The following CYTH1 variants were observed in gnomAD, a reference collection of about 807,000 sequenced individuals.
The protein encoded by CYTH1 is cytohesin-1.
A neutral mutation model predicts 61.8 loss-of-function variants in CYTH1; 18 were observed. The ratio of observed to expected loss-of-function variants is 0.29; its 90% confidence interval spans 0.20 to 0.43. The LOEUF (loss-of-function observed/expected upper bound fraction) is 0.43. Among genes scored for constraint, CYTH1 ranks in the 20% least tolerant of loss-of-function variants. The pLI, the probability that CYTH1 is intolerant of heterozygous loss-of-function variation, is 1.00. For synonymous variants in CYTH1, 174 were observed against 184.3 expected (o/e 0.94, Z 0.45); for missense variants, 336 against 510.5 (o/e 0.66, Z 3.29).
chr17:78,778,529 T>G (rs1460657960), intron 1 of CYTH1, among the ~76,000 whole-genome samples: 1 of 149,176 alleles, frequency 6.7e-6, no homozygotes, highest in Non-Finnish European at 1.5e-5. Context: ...TCCCAGCTAC[T>G]TGGGAGGCTG....
In CYTH1 at chr17:78,702,579, C is replaced by T; in HGVS notation, c.196G>A (p.Val66Ile). 1 of 1,614,148 alleles carries T rather than the reference C, an allele frequency of 6.2e-7. No individual in the cohort carries two copies. Among genetic ancestry groups the T allele is most frequent in the Non-Finnish European group, 8.5e-7 (1 of 1,180,024 alleles). The change falls in exon 4 of 14, where the codon GTA (valine) becomes ATA (isoleucine). Residue 66 changes from valine to isoleucine, a missense_variant. By Grantham distance (29) the Val-to-Ile change is conservative (BLOSUM62 3). Transcript: ENST00000446868. Reference protein sequence around the residue: ...ERKNMQRNKQVAMGRKKFNMD... With the variant: ...ERKNMQRNKQIAMGRKKFNMD... ...TTAAATTTTTTCCTGCCCATGGCTA[C>T]CTGTTTGTTCCTCTGCATGTTTTTC...
At chr17:78,780,772 C>T (rs998843890) in intron 1 of CYTH1, among the ~76,000 whole-genome samples, 3 of 152,010 alleles carry the variant, frequency 2.0e-5, no homozygotes, top group African/African-American at 4.8e-5. Flanking sequence ...TTTGGGAGGC[C>T]GAGGCGGGTG....
chr17:78,683,575 G>C (rs996709418), intron 11 of CYTH1, among the ~76,000 whole-genome samples: 3 of 152,192 alleles, frequency 2.0e-5, no homozygotes, highest in Non-Finnish European at 4.4e-5. Flanking sequence ...AGGAGAAGCT[G>C]GGGGTGGGAG....
chr17:78,765,511 A>G (rs886171681), intron 1 of CYTH1, among the ~76,000 whole-genome samples: 8 of 152,240 alleles, frequency 5.3e-5, no homozygotes, highest in Non-Finnish European at 1.2e-4. Context: ...AATCAGTAAA[A>G]GCCAGTGTGG....
intron 11 of CYTH1, among the ~76,000 whole-genome samples, chr17:78,686,742 A>G (rs1175829886): frequency 6.6e-6 from 1 of 152,138 alleles, no homozygotes; most frequent in East Asian, 1.9e-4. Context: ...ATGGTTCGGG[A>G]TGATTCGAGC....
In CYTH1 at chr17:78,700,657, G is replaced by A. The variant is rs888565005; in HGVS notation, c.438-214C>T. Among the ~76,000 whole-genome samples, 10 of 152,000 alleles carry A rather than the reference G, an allele frequency of 6.6e-5. No homozygotes were observed. Among genetic ancestry groups the A allele is most frequent in the African/African-American group, 2.2e-4 (9 of 41,376 alleles). Reference sequence around the variant, plus strand: ...TTCTGCCTCAGCCTCCCGAGTAGCCGGGACTACAGGCACACGCCACCATGC... The same window carrying A: ...TTCTGCCTCAGCCTCCCGAGTAGCCAGGACTACAGGCACACGCCACCATGC... On this transcript the variant is annotated intron_variant, in intron 6 of 13. Transcript: ENST00000446868. The surrounding 1 kb of genome is among the most constrained non-coding windows in gnomAD (Gnocchi z 5.1).
Position 78,680,970 on chromosome 17 carries a change from C to G in CYTH1, c.963+1G>C. The stretch of plus-strand genomic sequence containing the variant: ...CAAAATATCTCAGCAAAAATACTCA[C>G]TGGTTTTTTGGAGTCCTCCACTTCC... On this transcript the variant is annotated splice_donor_variant, in intron 12 of 13. Coordinates refer to ENST00000446868, the MANE Select transcript of CYTH1 (RefSeq NM_004762.6). LOFTEE classifies it high-confidence loss of function. 6.2e-7 allele frequency: 1 copy of G among 1,614,018 alleles called. No individual in the cohort carries two copies. Among genetic ancestry groups the G allele is most frequent in the Non-Finnish European group, 8.5e-7 (1 of 1,179,924 alleles).
At chr17:78,760,354 T>TG in intron 1 of CYTH1, among the ~76,000 whole-genome samples, 1 of 62,490 alleles carries the variant, frequency 1.6e-5, no homozygotes, top group African/African-American at 5.4e-5. Context: ...AAATAGCAGG[T>TG]TTATATATAT....
At chr17:78,727,028 C>CCT (rs1769604438) in intron 1 of CYTH1, among the ~76,000 whole-genome samples, 1 of 152,188 alleles carries the variant, frequency 6.6e-6, no homozygotes, top group African/African-American at 2.4e-5. Flanking sequence ...AGAAAGTGAC[C>CCT]CTCTGACAAG....
chr17:78,776,733 A>AT (rs1216656977), intron 1 of CYTH1, among the ~76,000 whole-genome samples: 1 of 150,814 alleles, frequency 6.6e-6, no homozygotes, highest in Non-Finnish European at 1.5e-5. Flanking sequence ...AATTTTTACG[A>AT]TTTTTTTCTT....
At chr17:78,749,609 G>A (rs1395886338) in intron 1 of CYTH1, among the ~76,000 whole-genome samples, 4 of 151,618 alleles carry the variant, frequency 2.6e-5, no homozygotes, top group South Asian at 2.1e-4. Flanking sequence ...CAGCCTGGGT[G>A]ACAAATTGAG....
Position 78,723,465 on chromosome 17 carries a change from G to A in CYTH1, c.23-13733C>T, listed in dbSNP as rs771092437. The A allele has an allele frequency of 1.2e-4, 18 of 152,510 alleles. 1 individual carries two copies. Among genetic ancestry groups the A allele is most frequent in the South Asian group, 6.2e-4 (3 of 4,840 alleles). 9.4% of individuals were successfully genotyped at this position (152,510 alleles called of 1,614,324 possible). On this transcript the variant is annotated intron_variant, in intron 1 of 13. Coordinates refer to ENST00000446868, the MANE Select transcript of CYTH1 (RefSeq NM_004762.6). ...AGAGAAAACAAAAGCTGAGAGCACC[G>A]GCCCTGCAGGTGGAAACTCGCTGGG... is the stretch of plus-strand genomic sequence containing the variant.
chr17:78,686,478 A>G (rs2092817679), intron 11 of CYTH1, among the ~76,000 whole-genome samples: 1 of 151,732 alleles, frequency 6.6e-6, no homozygotes. Context: ...TGTCCCCCTA[A>G]CCACTTACCC....
intron 1 of CYTH1, chr17:78,728,072 C>T (rs2144579124): frequency 6.1e-6 from 1 of 164,342 alleles, no homozygotes; most frequent in East Asian, 1.8e-4. Flanking sequence ...GTCAGTTTCT[C>T]TGGACAAACT....
At chr17:78,718,071 A>G (rs1004752925) in intron 1 of CYTH1, among the ~76,000 whole-genome samples, 2 of 152,136 alleles carry the variant, frequency 1.3e-5, no homozygotes, top group Non-Finnish European at 2.9e-5. Context: ...TACAAAAGGT[A>G]ACTACCTTAG....
At chr17:78,729,169 G>A (rs28670175) in intron 1 of CYTH1, among the ~76,000 whole-genome samples, 2,039 of 152,252 alleles carry the variant, frequency 0.013, 42 homozygotes, top group African/African-American at 0.046. Flanking sequence ...GTGCAGTGGT[G>A]TGATCATAGC....
chr17:78,725,261 T>C (rs2093259776), intron 1 of CYTH1, among the ~76,000 whole-genome samples: 1 of 152,160 alleles, frequency 6.6e-6, no homozygotes, highest in Admixed American at 6.6e-5. Flanking sequence ...CCTGCTCAGT[T>C]TACCCATATT....
chr17:78,742,521 T>G (rs1407300307), intron 1 of CYTH1, among the ~76,000 whole-genome samples: 1 of 152,144 alleles, frequency 6.6e-6, no homozygotes, highest in South Asian at 2.1e-4. Context: ...ATGATTGTGC[T>G]GTTGCACTCC....
intron 1 of CYTH1, among the ~76,000 whole-genome samples, chr17:78,740,492 C>A (rs566365709): frequency 6.6e-6 from 1 of 152,314 alleles, no homozygotes; most frequent in South Asian, 2.1e-4. Context: ...GCACAGCAGG[C>A]CACCTCATAG....
Sources: allele counts gnomAD v4.1 joint callset (sites outside exome capture counted in the v4.1 genomes callset), GRCh38; gene constraint gnomAD v4.1.1; non-coding constraint Gnocchi (gnomAD v3.1); transcripts MANE v1.5; gene names NCBI Gene and HGNC (gene_info 2026-07-23, HGNC 2026-07-21).